PSEN2: variants seen among roughly 807,000 people sequenced by gnomAD.
PSEN2 encodes presenilin 2.
In PSEN2, 32 loss-of-function variants were observed where a neutral mutation model predicts 49.1. The observed-to-expected ratio is 0.65, with a 90% CI of 0.49 to 0.88. The LOEUF (loss-of-function observed/expected upper bound fraction) is 0.88, where lower values mean the gene tolerates loss of function less well. Among genes scored for constraint, PSEN2 ranks in the 40% least tolerant of loss-of-function variants. The pLI, the probability that PSEN2 is intolerant of heterozygous loss-of-function variation, is 0.00. For synonymous variants in PSEN2, 255 were observed against 244.0 expected (o/e 1.05, Z -0.42); for missense variants, 522 against 586.9 (o/e 0.89, Z 1.14).
chr1:226,899,483 A>G (rs1263099909), downstream of PSEN2: 1 of 152,258 alleles, frequency 6.6e-6, no homozygotes, highest in Non-Finnish European at 1.5e-5. Flanking sequence ...TGAAGCAGAG[A>G]AACTTAGGTG....
chr1:226,875,334 C>G (rs1468497099), intron 2 of PSEN2, 31 bp from the exon 3 acceptor site: 1 of 152,264 alleles, frequency 6.6e-6, no homozygotes, highest in Admixed American at 6.5e-5. Context: ...TGGGTATCAC[C>G]TGACCTTAGC....
chr1:226,883,975 T>TGGGGGG, intron 5 of PSEN2, 56 bp downstream of exon 5: 1 of 129,696 alleles, frequency 7.7e-6, no homozygotes, highest in Non-Finnish European at 1.5e-5. Flanking sequence ...TGCCAGGGGG[T>TGGGGGG]GGGGGGCGCA....
In PSEN2 at chr1:226,885,693, C is replaced by T. The variant is rs1017893609; in HGVS notation, c.498+14C>T. The T allele has an allele frequency of 1.5e-5, 24 of 1,604,840 alleles. No individual in the cohort carries two copies. Among genetic ancestry groups the T allele is most frequent in the Non-Finnish European group, 1.9e-5 (23 of 1,179,920 alleles). On this transcript the variant is annotated intron_variant, in intron 6 of 12. Transcript: ENST00000366783. ...CGCTGCTACAAGGTGAGGCCCTGGC[C>T]CTGCCCTCCAGCCACGCTTCTCTCC...
intron 9 of PSEN2, 57 bp downstream of exon 9, chr1:226,890,190 G>A: frequency 7.0e-7 from 1 of 1,420,642 alleles, no homozygotes; most frequent in Non-Finnish European, 1.0e-6. Flanking sequence ...GCCTGTGGGG[G>A]GACAGGGGCC....
downstream of PSEN2, among the ~76,000 whole-genome samples, chr1:226,901,233 C>T (rs926532839): frequency 2.0e-5 from 3 of 151,976 alleles, no homozygotes; most frequent in East Asian, 3.9e-4. Flanking sequence ...GTCAGGAGTT[C>T]GAGACCAGCC....
intron 3 of PSEN2, chr1:226,880,695 C>G (rs199538648): frequency 6.2e-6 from 10 of 1,612,794 alleles, no homozygotes; most frequent in Non-Finnish European, 8.5e-6. Context: ...AAGTTCTTCC[C>G]AGCCCAGAAA....
chr1:226,892,515 A>T (rs1428521900), intron 11 of PSEN2, among the ~76,000 whole-genome samples: 3 of 152,168 alleles, frequency 2.0e-5, no homozygotes, highest in Non-Finnish European at 2.9e-5. Context: ...TGGAGCAGGG[A>T]GATGCTGCAC....
intron 8 of PSEN2, 82 bp from the exon 9 acceptor site, chr1:226,889,953 C>T (rs1661629132): frequency 7.2e-6 from 8 of 1,107,704 alleles, no homozygotes; most frequent in African/African-American, 3.1e-5. Flanking sequence ...GAGCTCCACC[C>T]GGGGCTCCTG....
chr1:226,890,199 C>A, intron 9 of PSEN2, 66 bp downstream of exon 9: 1 of 1,346,782 alleles, frequency 7.4e-7, no homozygotes, highest in Non-Finnish European at 1.1e-6. Flanking sequence ...GGGACAGGGG[C>A]CTGCTTCCTG....
rs907824125 is a variant in PSEN2 at position 226,888,274 on chromosome 1, G to T, written c.566+116G>T. 3.0e-6 allele frequency: 3 copies of T among 990,112 alleles called. No individual in the cohort carries two copies. In the African/African-American group the frequency reaches 4.8e-5, roughly 16 times the overall value. 61.3% of individuals were successfully genotyped at this position (990,112 alleles called of 1,614,324 possible). Reference sequence around the variant, plus strand: ...GACCATCGAGCTCCAGTCTTCCCCAGTGCCAGCCGTTTTGGGAACCCAGGC... The same window carrying T: ...GACCATCGAGCTCCAGTCTTCCCCATTGCCAGCCGTTTTGGGAACCCAGGC... On this transcript the variant is annotated intron_variant, in intron 7 of 12. Transcript: ENST00000366783.
chr1:226,888,194 C>T, intron 7 of PSEN2, 36 bp downstream of exon 7: 23 of 1,557,568 alleles, frequency 1.5e-5, no homozygotes, highest in Non-Finnish European at 1.9e-5. Context: ...CCCTGGGAGC[C>T]CCTCTCCATG....
chr1:226,899,514 C>CT (rs1286124534), downstream of PSEN2: 5 of 152,218 alleles, frequency 3.3e-5, no homozygotes, highest in African/African-American at 9.7e-5. Flanking sequence ...AAGATGGGGC[C>CT]TGTCCTGAGA....
At chr1:226,887,746 G>A (rs979093824) in intron 6 of PSEN2, among the ~76,000 whole-genome samples, 4 of 152,204 alleles carry the variant, frequency 2.6e-5, no homozygotes, top group Non-Finnish European at 5.9e-5. Context: ...CGTGGGCAGA[G>A]ACTTTGCTAG....
chr1:226,897,873 G>C (rs16846631), downstream of PSEN2: 2,293 of 155,340 alleles, frequency 0.015, 39 homozygotes, highest in African/African-American at 0.042. Context: ...TAACTTTACA[G>C]AAATGGTATC....
At chr1:226,892,229 T>C (rs999355202) in intron 11 of PSEN2, among the ~76,000 whole-genome samples, 2 of 151,298 alleles carry the variant, frequency 1.3e-5, no homozygotes, top group East Asian at 3.9e-4. Flanking sequence ...TTGGCAGGGG[T>C]GAGAGAAAGT....
chr1:226,885,081 G>T (rs1238806542), intron 5 of PSEN2, among the ~76,000 whole-genome samples: 1 of 152,008 alleles, frequency 6.6e-6, no homozygotes, highest in Non-Finnish European at 1.5e-5. Context: ...TGCTTCCTGT[G>T]TCTGCTTCCT....
At chr1:226,873,738 A>G (rs1660453113) in intron 2 of PSEN2, among the ~76,000 whole-genome samples, 1 of 152,152 alleles carries the variant, frequency 6.6e-6, no homozygotes, top group African/African-American at 2.4e-5. Context: ...CTTAACATGC[A>G]TTTCCTTCCA....
intron 12 of PSEN2, 123 bp downstream of exon 12, chr1:226,894,248 A>G: frequency 1.7e-5 from 12 of 709,646 alleles, no homozygotes; most frequent in Non-Finnish European, 2.9e-5. Context: ...CTGAGGGACA[A>G]GAGCAGGGAG....
intron 7 of PSEN2, among the ~76,000 whole-genome samples, chr1:226,888,551 G>A (rs1661525604): frequency 6.6e-6 from 1 of 152,192 alleles, no homozygotes; most frequent in African/African-American, 2.4e-5. Flanking sequence ...CTGACCCAGG[G>A]GCCCAAAGAG....
Sources: gnomAD v4.1 joint callset for allele counts (sites outside exome capture counted in the v4.1 genomes callset) on GRCh38, gnomAD v4.1.1 for gene constraint, MANE v1.5 for transcripts, NCBI Gene and HGNC (gene_info 2026-07-23, HGNC 2026-07-21) for gene names.